Variants in PCSK2 observed in about 807,000 individuals in gnomAD.
PCSK2 encodes neuroendocrine convertase 2.
PCSK2 carries 14 observed loss-of-function variants against 69.7 expected under a neutral mutation model. That is an observed-to-expected ratio of 0.20 (90% CI 0.13 to 0.31). The LOEUF (loss-of-function observed/expected upper bound fraction) is 0.31. PCSK2 is among the 10% of genes least tolerant of loss of function. The pLI is 1.00. For synonymous variants in PCSK2, 307 were observed against 320.7 expected, an observed-to-expected ratio of 0.96 and a Z score of 0.46; for missense variants, 544 against 842.5, an observed-to-expected ratio of 0.65 and a Z score of 4.39.
At chr20:17,291,972 T>G (rs1017056967) in intron 2 of PCSK2, among the ~76,000 whole-genome samples, 1 of 152,136 alleles carries the variant, frequency 6.6e-6, no homozygotes, top group Non-Finnish European at 1.5e-5. Flanking sequence ...GTAAAAAGTG[T>G]CTTTCATAGG....
chr20:17,403,220 T>C (rs1260849848), intron 5 of PCSK2, among the ~76,000 whole-genome samples: 1 of 152,210 alleles, frequency 6.6e-6, no homozygotes, highest in Non-Finnish European at 1.5e-5. Flanking sequence ...TTCAAACAAG[T>C]TTCTGACTAT....
At chr20:17,398,317 G>A (rs1278007221) in intron 5 of PCSK2, among the ~76,000 whole-genome samples, 1 of 152,006 alleles carries the variant, frequency 6.6e-6, no homozygotes, top group Admixed American at 6.6e-5. Context: ...TTGAGGCCAG[G>A]AATTTGAGAC....
Position 17,377,306 on chromosome 20 carries a change from C to T in PCSK2, c.543+8029C>T, listed in dbSNP as rs184264865. The stretch of plus-strand genomic sequence containing the variant: ...GTGATCATAAGAGAAAAAGGCCCAC[C>T]CCTACATTCCTGCACTTTTCCATTC... On this transcript the variant is annotated intron_variant, in intron 5 of 11. Coordinates refer to ENST00000262545, the MANE Select transcript of PCSK2 (RefSeq NM_002594.5). Among the ~76,000 whole-genome samples, 275 of 152,310 alleles carry T rather than the reference C, an allele frequency of 1.8e-3. 1 individual carries two copies. Among genetic ancestry groups the T allele is most frequent in the Non-Finnish European group, 3.3e-3 (224 of 68,028 alleles).
At chr20:17,342,038 G>A (rs892448314) in intron 2 of PCSK2, among the ~76,000 whole-genome samples, 1 of 152,166 alleles carries the variant, frequency 6.6e-6, no homozygotes, top group Non-Finnish European at 1.5e-5. Flanking sequence ...TGATTTGTTT[G>A]TATGAAGCAC....
Position 17,483,085 on chromosome 20 carries a change from A to G in PCSK2, c.*1015A>G, listed in dbSNP as rs923041419. 6.6e-6 allele frequency: 1 copy of G among 151,572 alleles called. No homozygotes were observed. Among genetic ancestry groups the G allele is most frequent in the Non-Finnish European group, 1.5e-5 (1 of 67,980 alleles). 9.4% of individuals were successfully genotyped at this position (151,572 alleles called of 1,614,324 possible). A position where few individuals can be genotyped will look rare whatever the true frequency, so the allele number is the denominator to read the frequency against. ...ATGTGGGCTTTGATTTCCAAGTAAT[A>G]TAATGGAAGAGAAATCTCATACTCC... On this transcript the variant is annotated 3_prime_UTR_variant, in exon 12 of 12. Transcript: ENST00000262545.
At chr20:17,437,343 G>A (rs1480394912) in intron 8 of PCSK2, among the ~76,000 whole-genome samples, 1 of 152,222 alleles carries the variant, frequency 6.6e-6, no homozygotes, top group African/African-American at 2.4e-5. Context: ...CAGGGGGTCT[G>A]AGCATGCATT....
chr20:17,445,731 A>G (rs1289545488), intron 8 of PCSK2, among the ~76,000 whole-genome samples: 1 of 152,230 alleles, frequency 6.6e-6, no homozygotes, highest in Non-Finnish European at 1.5e-5. Flanking sequence ...CCTCCTGCCA[A>G]GGAGCTCTCA....
chr20:17,226,824 G>A (rs1049435557), upstream of PCSK2, among the ~76,000 whole-genome samples: 2 of 118,706 alleles, frequency 1.7e-5, no homozygotes, highest in African/African-American at 6.3e-5. Context: ...GCTGCGCTGC[G>A]CCCCCAGAAG....
intron 2 of PCSK2, among the ~76,000 whole-genome samples, chr20:17,313,660 C>G (rs759767004): frequency 1.3e-5 from 2 of 152,100 alleles, no homozygotes; most frequent in African/African-American, 4.8e-5. Flanking sequence ...AGGGCAGAGG[C>G]CTCCAAAGTT....
At chr20:17,454,098 T>A in intron 9 of PCSK2, 141 bp downstream of exon 9, 1 of 1,207,432 alleles carries the variant, frequency 8.3e-7, no homozygotes, top group Non-Finnish European at 1.1e-6. Flanking sequence ...AGACCCCTTT[T>A]CTCTATGCCC....
chr20:17,443,356 G>A (rs561168898), intron 8 of PCSK2, among the ~76,000 whole-genome samples: 46 of 152,276 alleles, frequency 3.0e-4, no homozygotes, highest in African/African-American at 1.0e-3. Flanking sequence ...GGAAAGTGAC[G>A]TCCCTACCCT....
chr20:17,424,485 G>A (rs73898537), intron 6 of PCSK2, among the ~76,000 whole-genome samples: 5,950 of 152,088 alleles, frequency 0.039, 397 homozygotes, highest in African/African-American at 0.14. Context: ...GTTTCTTGGC[G>A]CGGAGGGGGT....
chr20:17,333,355 G>A (rs561160020), intron 2 of PCSK2, among the ~76,000 whole-genome samples: 1 of 152,172 alleles, frequency 6.6e-6, no homozygotes, highest in Non-Finnish European at 1.5e-5. Context: ...AAAGCAAGTA[G>A]ATCCACCATG....
rs1225952872 is a variant in PCSK2, at chr20:17,260,250, C to T, written c.188C>T (p.Ala63Val). ...CTTGACTCTCCACAGCTTCCCTTTGCTGAAGGTCTGTACCACTTTTATCAC... is the reference window on the plus strand; with the variant it reads ...CTTGACTCTCCACAGCTTCCCTTTGTTGAAGGTCTGTACCACTTTTATCAC... ...HGFGVRKLPF[A>V]EGLYHFYHNG... The change falls in exon 2 of 12, where the codon GCT (alanine) becomes GTT (valine). Residue 63 changes from alanine (A) to valine (V), a missense_variant. This residue lies in a region of PCSK2 where 157 missense variants were observed against 155.0 expected (regional missense o/e 1.01). Coordinates refer to ENST00000262545, the MANE Select transcript of PCSK2 (RefSeq NM_002594.5). 1.2e-6 allele frequency: 2 copies of T among 1,610,794 alleles called. No individual in the cohort carries two copies. The highest frequency in any genetic ancestry group is 1.7e-6 in the Non-Finnish European group (2 of 1,176,978).
chr20:17,325,124 A>T (rs1373514870), intron 2 of PCSK2, among the ~76,000 whole-genome samples: 1 of 152,128 alleles, frequency 6.6e-6, no homozygotes, highest in East Asian at 1.9e-4. Context: ...CCTTTGAGAA[A>T]TTCATCTCCC....
At chr20:17,312,173 G>T (rs1340937) in intron 2 of PCSK2, among the ~76,000 whole-genome samples, 2 of 152,098 alleles carry the variant, frequency 1.3e-5, no homozygotes, top group East Asian at 1.9e-4. Flanking sequence ...TTATGGACTT[G>T]GAAACTTGGA....
chr20:17,470,725 G>GC (rs1389181335), intron 11 of PCSK2, among the ~76,000 whole-genome samples: 3 of 152,188 alleles, frequency 2.0e-5, no homozygotes, highest in Non-Finnish European at 4.4e-5. Context: ...GACAAATAAA[G>GC]CAAACGGCCT....
intron 2 of PCSK2, among the ~76,000 whole-genome samples, chr20:17,325,105 A>G (rs1384162794): frequency 6.6e-6 from 1 of 152,118 alleles, no homozygotes; most frequent in Non-Finnish European, 1.5e-5. Context: ...ATGCATGCAC[A>G]ACAGCTTTCC....
intron 2 of PCSK2, among the ~76,000 whole-genome samples, chr20:17,303,152 T>C (rs1407412004): frequency 1.4e-5 from 2 of 147,406 alleles, no homozygotes; most frequent in Non-Finnish European, 3.0e-5. Flanking sequence ...GGGATGGGTA[T>C]AGCTCAGTGA....
Sources: allele counts gnomAD v4.1 joint callset (sites outside exome capture counted in the v4.1 genomes callset), GRCh38; gene constraint gnomAD v4.1.1; regional missense constraint gnomAD v4.1.1; transcripts MANE v1.5; gene names NCBI Gene and HGNC (gene_info 2026-07-23, HGNC 2026-07-21).